Variants in FHIT observed in about 807,000 individuals in gnomAD.
FHIT encodes bis(5'-adenosyl)-triphosphatase.
FHIT carries 19 observed loss-of-function variants against 17.9 expected under a neutral mutation model. The observed-to-expected ratio is 1.06, with a 90% CI of 0.74 to 1.56. FHIT has a LOEUF of 1.56. FHIT is among the 40% of genes most tolerant of loss of function. The pLI, the probability that FHIT is intolerant of heterozygous loss-of-function variation, is 0.00. For missense variants in FHIT, 248 were observed against 189.2 expected, an observed-to-expected ratio of 1.31 and a Z score of -1.82; for synonymous variants, 81 against 69.7, an observed-to-expected ratio of 1.16 and a Z score of -0.81.
intron 1 of FHIT, among the ~76,000 whole-genome samples, chr3:61,204,662 T>C (rs1271744993): frequency 6.6e-6 from 1 of 152,158 alleles, no homozygotes; most frequent in Non-Finnish European, 1.5e-5. Context: ...TGCTATGTGT[T>C]GTTTATAAGA....
chr3:60,397,068 G>A (rs1462213421), intron 5 of FHIT, among the ~76,000 whole-genome samples: 1 of 152,190 alleles, frequency 6.6e-6, no homozygotes, highest in Admixed American at 6.5e-5. Context: ...TGTAGCCACT[G>A]ATGTAAACTA....
At chr3:60,081,234 G>A (rs1703269855) in intron 5 of FHIT, among the ~76,000 whole-genome samples, 1 of 152,006 alleles carries the variant, frequency 6.6e-6, no homozygotes, top group Non-Finnish European at 1.5e-5. Context: ...TCTGTGGCTG[G>A]GACTCTAAGA....
chr3:59,912,444 C>T (rs1020847225), intron 8 of FHIT, among the ~76,000 whole-genome samples: 1 of 152,160 alleles, frequency 6.6e-6, no homozygotes, highest in African/African-American at 2.4e-5. Flanking sequence ...CCAGAGAAGC[C>T]AGCTGAAATT....
At chr3:59,833,809 A>G (rs1701247929) in intron 8 of FHIT, among the ~76,000 whole-genome samples, 1 of 152,042 alleles carries the variant, frequency 6.6e-6, no homozygotes, top group Non-Finnish European at 1.5e-5. Context: ...GATCAGGGGG[A>G]CAGTTTCCTC....
chr3:60,552,548 T>C (rs149288), intron 4 of FHIT, among the ~76,000 whole-genome samples: 3,496 of 152,316 alleles, frequency 0.023, 45 homozygotes, highest in Non-Finnish European at 0.038. Flanking sequence ...GGCTTTTTTT[T>C]GGTTTTTATT....
chr3:61,158,330 T>C (rs2037588446), intron 2 of FHIT, among the ~76,000 whole-genome samples: 1 of 152,212 alleles, frequency 6.6e-6, no homozygotes, highest in African/African-American at 2.4e-5. Flanking sequence ...ACAGGATTTA[T>C]TGTCTATGCA....
intron 4 of FHIT, among the ~76,000 whole-genome samples, chr3:60,578,634 A>G (rs1445981023): frequency 1.3e-5 from 2 of 152,182 alleles, no homozygotes; most frequent in Non-Finnish European, 2.9e-5. Context: ...CATGAGGAGG[A>G]CATTTAAAGA....
chr3:60,472,692 G>T (rs1012273244), intron 5 of FHIT, among the ~76,000 whole-genome samples: 4 of 152,088 alleles, frequency 2.6e-5, no homozygotes, highest in African/African-American at 9.7e-5. Flanking sequence ...GCTCGTCTTT[G>T]CTGCCTTTCA....
intron 5 of FHIT, among the ~76,000 whole-genome samples, chr3:60,525,318 T>A (rs560631099): frequency 1.8e-4 from 28 of 152,280 alleles, no homozygotes; most frequent in African/African-American, 6.5e-4. Flanking sequence ...TACCTAACCA[T>A]CCTGTTTTGA....
intron 5 of FHIT, among the ~76,000 whole-genome samples, chr3:60,389,589 A>G (rs1336792677): frequency 6.6e-6 from 1 of 152,188 alleles, no homozygotes; most frequent in Non-Finnish European, 1.5e-5. Flanking sequence ...TCCAGTGCAA[A>G]GAAGTGAGGC....
chr3:61,044,784 T>A (rs1050847281), intron 2 of FHIT, among the ~76,000 whole-genome samples: 1 of 152,208 alleles, frequency 6.6e-6, no homozygotes, highest in African/African-American at 2.4e-5. Flanking sequence ...AGCGGATCTC[T>A]CAGCAGAAAC....
At chr3:60,530,391 C>T (rs1054851249) in intron 5 of FHIT, among the ~76,000 whole-genome samples, 1 of 152,206 alleles carries the variant, frequency 6.6e-6, no homozygotes, top group African/African-American at 2.4e-5. Flanking sequence ...AAAGTCCACA[C>T]ATTTTTCTTC....
At chr3:60,493,722 A>G (rs1192865275) in intron 5 of FHIT, among the ~76,000 whole-genome samples, 1 of 152,208 alleles carries the variant, frequency 6.6e-6, no homozygotes, top group Non-Finnish European at 1.5e-5. Context: ...TGTTGAACAA[A>G]GTTCAATATT....
intron 4 of FHIT, among the ~76,000 whole-genome samples, chr3:60,594,220 T>C (rs1170433397): frequency 2.0e-5 from 3 of 152,242 alleles, no homozygotes; most frequent in Non-Finnish European, 4.4e-5. Context: ...CACGGAGCTC[T>C]GTTGTAACTC....
intron 8 of FHIT, among the ~76,000 whole-genome samples, chr3:59,755,324 C>T (rs1701158358): frequency 6.6e-6 from 1 of 152,184 alleles, no homozygotes; most frequent in African/African-American, 2.4e-5. Context: ...GGGAAAGGCC[C>T]TGGTGGGCAA....
At chr3:59,914,635 T>A (rs910325241) in intron 8 of FHIT, among the ~76,000 whole-genome samples, 41 of 152,214 alleles carry the variant, frequency 2.7e-4, no homozygotes, top group African/African-American at 9.7e-4. Context: ...TGTTTCCCCC[T>A]AATTCTTGCT....
chr3:60,276,372 T>C (rs1487890477), intron 5 of FHIT, among the ~76,000 whole-genome samples: 6 of 152,176 alleles, frequency 3.9e-5, no homozygotes, highest in African/African-American at 1.4e-4. Flanking sequence ...CTGCTTATTT[T>C]GTGAAAAGAC....
chr3:60,767,477 T>G (rs1553721815), intron 4 of FHIT, among the ~76,000 whole-genome samples: 1 of 152,230 alleles, frequency 6.6e-6, no homozygotes, highest in African/African-American at 2.4e-5. Flanking sequence ...ATTTGTCTGC[T>G]ACGATCATGT....
At chr3:60,349,910 T>C (rs1245276493) in intron 5 of FHIT, among the ~76,000 whole-genome samples, 2 of 152,164 alleles carry the variant, frequency 1.3e-5, no homozygotes, top group Non-Finnish European at 2.9e-5. Context: ...TATGTTGACA[T>C]CTGTTTTCTC....
Sources: allele counts gnomAD v4.1 joint callset (sites outside exome capture counted in the v4.1 genomes callset), GRCh38; gene constraint gnomAD v4.1.1; transcripts MANE v1.5; gene names NCBI Gene and HGNC (gene_info 2026-07-23, HGNC 2026-07-21).